Variants in PPFIA2 observed in about 807,000 individuals in gnomAD.
PPFIA2 encodes the protein PPFI scaffold protein A2.
In PPFIA2, 46 loss-of-function variants were observed where a neutral mutation model predicts 175.5. The ratio of observed to expected loss-of-function variants is 0.26; its 90% CI spans 0.21 to 0.34. PPFIA2 has a LOEUF of 0.34. PPFIA2 is among the 10% of genes least tolerant of loss of function. The probability of loss-of-function intolerance (pLI) is 1.00; values close to 1 mark genes in which losing one functional copy is unlikely to be tolerated. For synonymous variants in PPFIA2, 568 were observed against 511.4 expected (o/e 1.11, Z -1.49); for missense variants, 1,179 against 1,506.1 (o/e 0.78, Z 3.60).
chr12:81,496,609 G>A (rs920804983), intron 4 of PPFIA2, among the ~76,000 whole-genome samples: 5 of 152,116 alleles, frequency 3.3e-5, no homozygotes, highest in East Asian at 3.8e-4. Flanking sequence ...ATAAATCCAC[G>A]TGAATGAAAG....
chr12:81,429,036 C>T (rs1261053202), intron 7 of PPFIA2, among the ~76,000 whole-genome samples: 2 of 152,012 alleles, frequency 1.3e-5, no homozygotes, highest in African/African-American at 2.4e-5. Flanking sequence ...TTTTATCTGA[C>T]TTTCTGTTCG....
chr12:81,612,727 G>A (rs1488012514), intron 4 of PPFIA2, among the ~76,000 whole-genome samples: 1 of 152,096 alleles, frequency 6.6e-6, no homozygotes, highest in Non-Finnish European at 1.5e-5. Flanking sequence ...CTCACATTTT[G>A]ATGATGTTTT....
intron 22 of PPFIA2, among the ~76,000 whole-genome samples, chr12:81,321,306 G>A (rs571589095): frequency 1.3e-5 from 2 of 152,210 alleles, no homozygotes; most frequent in African/African-American, 4.8e-5. Context: ...TAGAGATGCT[G>A]ACATGTGAAA....
chr12:81,500,062 A>G (rs2060434533), intron 4 of PPFIA2, among the ~76,000 whole-genome samples: 1 of 152,122 alleles, frequency 6.6e-6, no homozygotes, highest in Non-Finnish European at 1.5e-5. Context: ...GCAGGAAGCC[A>G]TCTGTTGTTA....
At chr12:81,457,437 AC>A (rs1261303445) in intron 5 of PPFIA2, among the ~76,000 whole-genome samples, 1 of 152,004 alleles carries the variant, frequency 6.6e-6, no homozygotes, top group Non-Finnish European at 1.5e-5. Context: ...GGATTACCCT[AC>A]CCCCAAAACA....
chr12:81,553,200 C>T (rs1018833475), intron 4 of PPFIA2, among the ~76,000 whole-genome samples: 4 of 151,014 alleles, frequency 2.6e-5, no homozygotes, highest in African/African-American at 7.3e-5. Flanking sequence ...AGGATTTAGC[C>T]AGATAAATAA....
intron 3 of PPFIA2, among the ~76,000 whole-genome samples, chr12:81,678,365 T>C (rs150412754): frequency 1.4e-4 from 22 of 151,924 alleles, no homozygotes; most frequent in African/African-American, 4.8e-4. Flanking sequence ...GGAGGACTCT[T>C]AATAATACAT....
chr12:81,263,809 A>G (rs2036400622), intron 30 of PPFIA2, among the ~76,000 whole-genome samples: 1 of 152,228 alleles, frequency 6.6e-6, no homozygotes, highest in Non-Finnish European at 1.5e-5. Context: ...AATGACTTCT[A>G]TGTACACAAA....
chr12:81,527,780 C>A (rs187530184), intron 4 of PPFIA2, among the ~76,000 whole-genome samples: 26 of 152,122 alleles, frequency 1.7e-4, no homozygotes, highest in African/African-American at 5.5e-4. Flanking sequence ...TAGATGATGT[C>A]ATGAGGGTTT....
intron 4 of PPFIA2, among the ~76,000 whole-genome samples, chr12:81,509,918 C>A (rs544176030): frequency 1.4e-4 from 22 of 152,246 alleles, no homozygotes; most frequent in African/African-American, 5.1e-4. Flanking sequence ...CCATTCTATG[C>A]TATCTGTTAG....
chr12:81,662,927 T>C (rs960681347), intron 4 of PPFIA2, among the ~76,000 whole-genome samples: 2 of 152,136 alleles, frequency 1.3e-5, no homozygotes, highest in Admixed American at 6.5e-5. Context: ...TAATCCAGCA[T>C]ATAAACAGAA....
At chr12:81,608,135 G>C (rs115709356) in intron 4 of PPFIA2, among the ~76,000 whole-genome samples, 247 of 152,214 alleles carry the variant, frequency 1.6e-3, no homozygotes, top group African/African-American at 5.8e-3. Flanking sequence ...TGCATCCCAG[G>C]AATCAAGCCC....
intron 9 of PPFIA2, among the ~76,000 whole-genome samples, chr12:81,377,557 A>C (rs75872599): frequency 6.7e-6 from 1 of 148,436 alleles, no homozygotes; most frequent in Non-Finnish European, 1.5e-5. Context: ...CATTTCAAGA[A>C]AAAAAAAAAA....
In PPFIA2 at chr12:81,368,263, C is replaced by T. The variant is rs551251849; in HGVS notation, c.1482+462G>A. The T allele has an allele frequency of 5.0e-5, 41 of 818,068 alleles. No individual in the cohort carries two copies. In the African/African-American group the frequency reaches 6.4e-4, roughly 13 times the overall value. 50.7% of individuals were successfully genotyped at this position (818,068 alleles called of 1,614,324 possible). A position where few individuals can be genotyped will look rare whatever the true frequency, so the allele number is the denominator to read the frequency against. ...AGCTGAAAATACTGGGTTCCTAAACCCTCTACTGGGATTGATACTAGTTCT... is the reference window on the plus strand; with the variant it reads ...AGCTGAAAATACTGGGTTCCTAAACTCTCTACTGGGATTGATACTAGTTCT... On this transcript the variant is annotated intron_variant, in intron 13 of 32. Coordinates refer to ENST00000549396, the MANE Select transcript of PPFIA2 (RefSeq NM_003625.5).
chr12:81,261,743 T>G (rs1048345892), intron 32 of PPFIA2, among the ~76,000 whole-genome samples: 2 of 152,176 alleles, frequency 1.3e-5, no homozygotes, highest in African/African-American at 4.8e-5. Context: ...AGGCAGACCT[T>G]AAACCACAGG....
intron 3 of PPFIA2, among the ~76,000 whole-genome samples, chr12:81,720,972 A>T (rs1156381116): frequency 6.6e-6 from 1 of 151,214 alleles, no homozygotes; most frequent in Admixed American, 6.6e-5. Context: ...CTAATAACAA[A>T]TCAGTTAAAA....
chr12:81,326,737 C>G (rs1347326367), intron 21 of PPFIA2, among the ~76,000 whole-genome samples: 1 of 151,892 alleles, frequency 6.6e-6, no homozygotes, highest in African/African-American at 2.4e-5. Flanking sequence ...GGACTTACTC[C>G]TATGTTCTGA....
intron 23 of PPFIA2, chr12:81,298,035 T>A (rs1287007248): frequency 1.3e-5 from 2 of 152,180 alleles, no homozygotes; most frequent in African/African-American, 2.4e-5. Context: ...TGTCAGTAAA[T>A]CTGTTTCTTT....
chr12:81,683,768 G>A (rs181736889), intron 3 of PPFIA2, among the ~76,000 whole-genome samples: 7 of 151,878 alleles, frequency 4.6e-5, no homozygotes, highest in Non-Finnish European at 7.4e-5. Context: ...CCTGAGGCTC[G>A]GTAATAAAAA....
Sources: gnomAD v4.1 joint callset for allele counts (sites outside exome capture counted in the v4.1 genomes callset) on GRCh38, gnomAD v4.1.1 for gene constraint, MANE v1.5 for transcripts, NCBI Gene and HGNC (gene_info 2026-07-23, HGNC 2026-07-21) for gene names.